The following KAZN variants were observed in gnomAD, a reference collection of about 807,000 sequenced individuals.
KAZN encodes the protein kazrin.
A neutral mutation model predicts 87.4 loss-of-function variants in KAZN; 40 were observed. That is an observed-to-expected ratio of 0.46 (90% CI 0.36 to 0.60). The LOEUF is 0.60. Among genes scored for constraint, KAZN ranks in the 20% least tolerant of loss-of-function variants. KAZN has a pLI of 0.00. For missense variants in KAZN, 898 were observed against 1,073.9 expected, an observed-to-expected ratio of 0.84 and a Z score of 2.29; for synonymous variants, 466 against 458.3, an observed-to-expected ratio of 1.02 and a Z score of -0.22.
intron 2 of KAZN, among the ~76,000 whole-genome samples, chr1:14,245,383 A>C (rs1649402266): frequency 6.6e-6 from 1 of 152,064 alleles, no homozygotes; most frequent in Non-Finnish European, 1.5e-5. Flanking sequence ...ACTTGACAAT[A>C]TGTCAGCTGC....
At chr1:14,749,715 C>T (rs1357305382) in intron 1 of KAZN, among the ~76,000 whole-genome samples, 1 of 152,124 alleles carries the variant, frequency 6.6e-6, no homozygotes, top group Non-Finnish European at 1.5e-5. Flanking sequence ...CCAGGCCTCC[C>T]ATTCAGATTG....
At chr1:14,067,638 C>A (rs192237601) in intron 1 of KAZN, among the ~76,000 whole-genome samples, 1 of 152,196 alleles carries the variant, frequency 6.6e-6, no homozygotes, top group Admixed American at 6.5e-5. Flanking sequence ...GTCTGTCCCC[C>A]CCCATACTGC....
chr1:14,856,438 A>G lies in KAZN; in HGVS notation c.227-104246A>G, dbSNP rs1650116695. Among the ~76,000 whole-genome samples, 1 of 152,204 alleles carries G rather than the reference A, an allele frequency of 6.6e-6. No homozygotes were observed. On this transcript the variant is annotated intron_variant, in intron 1 of 14. Coordinates refer to ENST00000376030, the MANE Select transcript of KAZN (RefSeq NM_201628.3). This position sits in a 1 kb window ranked among gnomAD's most constrained non-coding sequence, Gnocchi z 5.2. ...TTCCATAGGTGGCATAGCTAAAGAC[A>G]TTACAAAGGGCTGGGAATTAATATA... is the stretch of plus-strand genomic sequence containing the variant.
Position 15,104,053 on chromosome 1 carries a change from G to A in KAZN, c.1912G>A (p.Val638Ile), listed in dbSNP as rs757619913. ...CGCAGACAACCTGACCAACAGCGGC[G>A]TCCATGGTGCTGTGCTGGTGCTGGA... The part of the protein sequence containing the change: ...EYADNLTNSG[V>I]HGAVLVLEPT... Residue 638 changes from valine (V) to isoleucine (I), a missense_variant, in exon 13 of 15, where the codon GTC becomes ATC. Val to Ile is a conservative substitution (Grantham distance 29, BLOSUM62 3). This residue lies in a region of KAZN where 521 missense variants were observed against 689.4 expected (regional missense o/e 0.76). Transcript: ENST00000376030. The A allele has an allele frequency of 6.1e-5, 98 of 1,613,754 alleles. No homozygotes were observed. Among genetic ancestry groups the A allele is most frequent in the Middle Eastern group, 3.3e-4 (2 of 6,062 alleles).
chr1:14,741,951 TG>T (rs1325552548), intron 1 of KAZN, among the ~76,000 whole-genome samples: 4 of 152,088 alleles, frequency 2.6e-5, no homozygotes, highest in Non-Finnish European at 5.9e-5. Context: ...TGTTTTTTTT[TG>T]GGTTGTTTTT....
intron 1 of KAZN, among the ~76,000 whole-genome samples, chr1:14,686,809 A>G (rs1272586468): frequency 1.3e-5 from 2 of 152,256 alleles, no homozygotes; most frequent in African/African-American, 2.4e-5. Context: ...GCATGGCCCA[A>G]GGCTTCCATT....
chr1:14,302,731 C>T (rs748756475), intron 2 of KAZN, among the ~76,000 whole-genome samples: 2 of 152,118 alleles, frequency 1.3e-5, no homozygotes, highest in Admixed American at 1.3e-4. Context: ...CAAAAGACAG[C>T]TACTCATAGG....
chr1:14,902,870 CTTT>C (rs1187907962), intron 1 of KAZN, among the ~76,000 whole-genome samples: 3 of 137,434 alleles, frequency 2.2e-5, no homozygotes, highest in African/African-American at 2.7e-5. Context: ...CCTTCCTTTC[CTTT>C]TTTTTTTTTT....
At chr1:14,091,164 T>A (rs948308663) in intron 1 of KAZN, among the ~76,000 whole-genome samples, 2 of 150,504 alleles carry the variant, frequency 1.3e-5, no homozygotes, top group East Asian at 3.9e-4. Flanking sequence ...CAAATTTACC[T>A]GTGCAATTCC....
At chr1:14,039,463 C>T (rs749975871) in intron 1 of KAZN, among the ~76,000 whole-genome samples, 15 of 152,264 alleles carry the variant, frequency 9.9e-5, no homozygotes, top group African/African-American at 3.4e-4. Context: ...AGTTCTGAGA[C>T]GACCCTAACA....
chr1:14,811,079 C>G (rs1379355692), intron 1 of KAZN, among the ~76,000 whole-genome samples: 2 of 152,162 alleles, frequency 1.3e-5, no homozygotes, highest in Non-Finnish European at 2.9e-5. Context: ...CAACCATTTC[C>G]CCCCTCAAAG....
At chr1:15,065,475 C>A (rs1164618887) in intron 7 of KAZN, among the ~76,000 whole-genome samples, 155 bp from the exon 8 acceptor site, 1 of 152,180 alleles carries the variant, frequency 6.6e-6, no homozygotes, top group African/African-American at 2.4e-5. Context: ...CTGGAGGTGG[C>A]TTCTCAGCCA....
At chr1:13,979,569 A>G (rs1455172415) in intron 1 of KAZN, among the ~76,000 whole-genome samples, 1 of 152,240 alleles carries the variant, frequency 6.6e-6, no homozygotes, top group Non-Finnish European at 1.5e-5. Flanking sequence ...ATTAGAAAGA[A>G]TATATGCAAT....
At chr1:14,958,448 G>A (rs1467462568) in intron 1 of KAZN, among the ~76,000 whole-genome samples, 1 of 152,034 alleles carries the variant, frequency 6.6e-6, no homozygotes, top group Non-Finnish European at 1.5e-5. Flanking sequence ...CTGGGTACAT[G>A]GAGCACTTCT....
chr1:14,882,877 G>T (rs1557585356), intron 1 of KAZN, among the ~76,000 whole-genome samples: 2 of 152,122 alleles, frequency 1.3e-5, no homozygotes. Context: ...GACAGATGAG[G>T]ACACCAAGGT....
chr1:14,779,796 C>A (rs544630345), intron 1 of KAZN, among the ~76,000 whole-genome samples: 4 of 152,266 alleles, frequency 2.6e-5, no homozygotes, highest in Non-Finnish European at 4.4e-5. Flanking sequence ...CTTTTCTTGG[C>A]AGCTGATTTA....
chr1:14,943,060 A>G (rs1572886068), intron 1 of KAZN, among the ~76,000 whole-genome samples: 32 of 106,960 alleles, frequency 3.0e-4, no homozygotes, highest in African/African-American at 1.2e-3. Flanking sequence ...GTTGGGGAGG[A>G]GAGCCTTGGG....
At chr1:14,698,944 T>C (rs570230963) in intron 1 of KAZN, among the ~76,000 whole-genome samples, 4 of 152,224 alleles carry the variant, frequency 2.6e-5, no homozygotes. Flanking sequence ...GCTATCTTCA[T>C]TGATTTGGAC....
At chr1:13,925,394 G>A (rs940664213) in intron 1 of KAZN, among the ~76,000 whole-genome samples, 4 of 152,210 alleles carry the variant, frequency 2.6e-5, no homozygotes, top group Non-Finnish European at 5.9e-5. Flanking sequence ...GCTAAATAAA[G>A]TGTCAAAGGG....
Sources: allele counts gnomAD v4.1 joint callset (sites outside exome capture counted in the v4.1 genomes callset), GRCh38; gene constraint gnomAD v4.1.1; regional missense constraint gnomAD v4.1.1; non-coding constraint Gnocchi (gnomAD v3.1); transcripts MANE v1.5; gene names NCBI Gene and HGNC (gene_info 2026-07-23, HGNC 2026-07-21).